Variants in C9 observed in about 807,000 individuals in gnomAD.
C9 encodes the protein complement component C9.
C9 carries 63 observed loss-of-function variants against 65.4 expected under a neutral mutation model. That is an observed-to-expected ratio of 0.96 (90% confidence interval 0.79 to 1.19). The LOEUF (loss-of-function observed/expected upper bound fraction) is 1.19. Ranked by LOEUF, C9 falls within the 50% of genes most tolerant of loss-of-function variation. The probability of loss-of-function intolerance (pLI) is 0.00; values close to 1 mark genes in which losing one functional copy is unlikely to be tolerated. For missense variants in C9, 744 were observed against 670.1 expected, an observed-to-expected ratio of 1.11 and a Z score of -1.22; for synonymous variants, 229 against 227.9, an observed-to-expected ratio of 1.00 and a Z score of -0.04.
At chr5:39,352,009 G>C (rs1469255518) in intron 1 of C9, among the ~76,000 whole-genome samples, 3 of 152,146 alleles carry the variant, frequency 2.0e-5, no homozygotes. Flanking sequence ...AGGTTGAATT[G>C]ACACAGAGTT....
chr5:39,355,643 C>G (rs1754401754), intron 1 of C9, among the ~76,000 whole-genome samples: 1 of 152,162 alleles, frequency 6.6e-6, no homozygotes, highest in Non-Finnish European at 1.5e-5. Context: ...GACTTACATT[C>G]TCTGGATGTT....
intron 10 of C9, among the ~76,000 whole-genome samples, 184 bp downstream of exon 10, chr5:39,288,539 G>A (rs1423517845): frequency 6.6e-6 from 1 of 151,412 alleles, no homozygotes; most frequent in African/African-American, 2.4e-5. Flanking sequence ...TATACAAGTA[G>A]AATATGTCAG....
At chr5:39,356,212 T>C (rs1297370484) in intron 1 of C9, among the ~76,000 whole-genome samples, 1 of 152,212 alleles carries the variant, frequency 6.6e-6, no homozygotes, top group Non-Finnish European at 1.5e-5. Flanking sequence ...GATGGGAAAC[T>C]AAAAATGGAG....
rs796940261 is a variant in C9, at chr5:39,298,334, G to GA, written c.1416+8282dup. Among the ~76,000 whole-genome samples the GA allele has an allele frequency of 1.6e-4, 24 of 151,280 alleles. No homozygotes were observed. In the South Asian group the frequency reaches 4.8e-3, roughly 30 times the overall value. ...AGAATTGAAATAGAAATTGAAATGG[G>GA]AAAAAAATAGAGAAAATTTTTTTAA... On this transcript the variant is annotated intron_variant, in intron 9 of 10. Coordinates refer to ENST00000263408, the MANE Select transcript of C9 (RefSeq NM_001737.5).
chr5:39,339,331 C>T (rs1329228921), intron 4 of C9, among the ~76,000 whole-genome samples: 5 of 152,146 alleles, frequency 3.3e-5, no homozygotes, highest in South Asian at 2.1e-4. Flanking sequence ...ATGAAGGGCA[C>T]GTGAAATGCT....
intron 5 of C9, among the ~76,000 whole-genome samples, chr5:39,322,825 C>T (rs1036741395): frequency 7.2e-5 from 11 of 152,090 alleles, no homozygotes; most frequent in African/African-American, 2.4e-4. Flanking sequence ...ATAGCACTTA[C>T]ATCACTTAGG....
In C9 at chr5:39,341,798, A is replaced by G. The variant is rs1754091928; in HGVS notation, c.184-98T>C. On this transcript the variant is annotated intron_variant, in intron 2 of 10. Coordinates refer to ENST00000263408, the MANE Select transcript of C9 (RefSeq NM_001737.5). ...ACAACTATATCCCTGCAATGAGTCA[A>G]TGGTTTTAAGATAGAAGTGGTGGAA... 7 of 1,130,962 alleles carry G rather than the reference A, an allele frequency of 6.2e-6. No individual in the cohort carries two copies. The Admixed American group carries it at 1.3e-4, about 21-fold the overall frequency. The allele number at this position is 1,130,962 out of a possible 1,614,324, so 70.1% of individuals were successfully genotyped here. A position where few individuals can be genotyped will look rare whatever the true frequency, so the allele number is the denominator to read the frequency against.
At chr5:39,341,722 G>A (rs762547602) in intron 2 of C9, 22 bp from the exon 3 acceptor site, 1 of 1,612,700 alleles carries the variant, frequency 6.2e-7, no homozygotes, top group Non-Finnish European at 8.5e-7. Context: ...CAGTTGGAAT[G>A]ATTAGAATTT....
intron 1 of C9, among the ~76,000 whole-genome samples, chr5:39,349,504 AC>A (rs1453552316): frequency 1.3e-5 from 2 of 152,214 alleles, no homozygotes; most frequent in Non-Finnish European, 2.9e-5. Flanking sequence ...CATCCAAAGA[AC>A]AAGTCTTATC....
intron 4 of C9, among the ~76,000 whole-genome samples, chr5:39,338,370 C>T (rs1715654363): frequency 6.6e-6 from 1 of 152,084 alleles, no homozygotes; most frequent in South Asian, 2.1e-4. Flanking sequence ...TTTTATGAGA[C>T]TCAGAGAAAC....
chr5:39,346,526 T>A (rs951408536), intron 1 of C9, among the ~76,000 whole-genome samples: 4 of 152,150 alleles, frequency 2.6e-5, no homozygotes, highest in East Asian at 3.8e-4. Flanking sequence ...GAGACAATAA[T>A]TAATAGCCTA....
chr5:39,285,266 C>T, intron 10 of C9, 33 bp from the exon 11 acceptor site: 1 of 1,575,220 alleles, frequency 6.3e-7, no homozygotes, highest in Non-Finnish European at 8.7e-7. Context: ...AAATCTTAAT[C>T]ATCAATAGGA....
At chr5:39,327,964 T>G (rs1292130977) in intron 5 of C9, among the ~76,000 whole-genome samples, 2 of 152,156 alleles carry the variant, frequency 1.3e-5, no homozygotes. Context: ...AGATAGCAAG[T>G]GTAGACAACA....
intron 4 of C9, among the ~76,000 whole-genome samples, chr5:39,334,843 C>T (rs928079997): frequency 6.6e-6 from 1 of 152,150 alleles, no homozygotes; most frequent in Non-Finnish European, 1.5e-5. Context: ...GAGAACGGGC[C>T]ATGATGGCAA....
At chr5:39,321,782 T>C (rs1175724461) in intron 5 of C9, among the ~76,000 whole-genome samples, 1 of 152,094 alleles carries the variant, frequency 6.6e-6, no homozygotes, top group African/African-American at 2.4e-5. Context: ...TATATAATAA[T>C]GAAGGGGTCA....
intron 1 of C9, among the ~76,000 whole-genome samples, chr5:39,343,405 C>G (rs1448340125): frequency 6.6e-6 from 1 of 152,226 alleles, no homozygotes; most frequent in Non-Finnish European, 1.5e-5. Flanking sequence ...CAGAGGGTCC[C>G]AGGCCCATGG....
chr5:39,323,191 A>G (rs369248140), intron 5 of C9, among the ~76,000 whole-genome samples: 2 of 152,074 alleles, frequency 1.3e-5, no homozygotes, highest in East Asian at 3.8e-4. Flanking sequence ...CCCATGAAAG[A>G]AAAGCCCAGA....
rs753854569 is a variant in C9 at position 39,342,245 on chromosome 5, T to C, written c.78-49A>G. 4 of 1,005,556 alleles carry C rather than the reference T, an allele frequency of 4.0e-6. No homozygotes were observed. The South Asian group carries it at 5.1e-5, about 13-fold the overall frequency. 62.3% of individuals were successfully genotyped at this position (1,005,556 alleles called of 1,614,324 possible). A position where few individuals can be genotyped will look rare whatever the true frequency, so the allele number is the denominator to read the frequency against. The stretch of plus-strand genomic sequence containing the variant: ...TTATAATGACCATTGTGTATATCTG[T>C]TTCCAAGAAGTCTTCATAAACACAG... On this transcript the variant is annotated intron_variant, in intron 1 of 10. Coordinates refer to ENST00000263408, the MANE Select transcript of C9 (RefSeq NM_001737.5).
In C9 at chr5:39,341,394, G is replaced by T. The variant is rs575399664; in HGVS notation, c.329-101C>A. On this transcript the variant is annotated intron_variant, in intron 3 of 10. Coordinates refer to ENST00000263408, the MANE Select transcript of C9 (RefSeq NM_001737.5). Reference sequence around the variant, plus strand: ...TTTTAACCCTGGAGGTGAGGTATCAGAAAAACACATTTGAGTTCTTTGTAC... The same window carrying T: ...TTTTAACCCTGGAGGTGAGGTATCATAAAAACACATTTGAGTTCTTTGTAC... 2.7e-6 allele frequency: 4 copies of T among 1,490,720 alleles called. No individual in the cohort carries two copies. The African/African-American group carries it at 4.1e-5, about 15-fold the overall frequency. 92.3% of individuals were successfully genotyped at this position (1,490,720 alleles called of 1,614,324 possible). A position where few individuals can be genotyped will look rare whatever the true frequency, so the allele number is the denominator to read the frequency against.
Sources: allele counts gnomAD v4.1 joint callset (sites outside exome capture counted in the v4.1 genomes callset), GRCh38; gene constraint gnomAD v4.1.1; transcripts MANE v1.5; gene names NCBI Gene and HGNC (gene_info 2026-07-23, HGNC 2026-07-21).